The following POLN variants were observed in gnomAD, a reference collection of about 807,000 sequenced individuals.
POLN encodes the protein DNA polymerase nu.
A neutral mutation model predicts 113.5 loss-of-function variants in POLN; 108 were observed. That is an observed-to-expected ratio of 0.95 (90% confidence interval 0.81 to 1.12). The LOEUF is 1.12. Ranked by LOEUF, POLN falls within the 50% of genes most tolerant of loss-of-function variation. The pLI, the probability that POLN is intolerant of heterozygous loss-of-function variation, is 0.00. For synonymous variants in POLN, 386 were observed against 391.5 expected, an observed-to-expected ratio of 0.99 and a Z score of 0.17; for missense variants, 1,097 against 1,077.1, an observed-to-expected ratio of 1.02 and a Z score of -0.26.
rs192728389 is a variant in POLN at position 2,207,265 on chromosome 4, G to T, written c.714+722C>A. Among the ~76,000 whole-genome samples, 10 of 152,172 alleles carry T rather than the reference G, an allele frequency of 6.6e-5. No individual in the cohort carries two copies. In the East Asian group the frequency reaches 1.9e-3, roughly 29 times the overall value. On this transcript the variant is annotated intron_variant, in intron 5 of 25. Coordinates refer to ENST00000511885, the MANE Select transcript of POLN (RefSeq NM_181808.4). ...ACTCAGGAGGAAAGGGTGGGAAGGG[G>T]GTGAGGGATAAAATACTACAAATTG...
chr4:2,199,021 T>G (rs1733648493), intron 5 of POLN, among the ~76,000 whole-genome samples: 1 of 152,138 alleles, frequency 6.6e-6, no homozygotes, highest in Non-Finnish European at 1.5e-5. Flanking sequence ...ATGGCATGAA[T>G]GTCTGTGTAG....
At chr4:2,114,986 T>C (rs1275182300) in intron 19 of POLN, among the ~76,000 whole-genome samples, 1 of 151,774 alleles carries the variant, frequency 6.6e-6, no homozygotes, top group Non-Finnish European at 1.5e-5. Flanking sequence ...TGTCTTCAGG[T>C]TCATGGATTC....
chr4:2,195,024 G>A (rs954582169), intron 6 of POLN, among the ~76,000 whole-genome samples: 5 of 152,028 alleles, frequency 3.3e-5, no homozygotes, highest in South Asian at 2.1e-4. Context: ...TATAACAAAC[G>A]TACAGAGAGA....
rs1395454885 is a variant in POLN at position 2,229,237 on chromosome 4, C to G, written c.-6G>C. The G allele has an allele frequency of 4.4e-6, 7 of 1,591,072 alleles. No individual in the cohort carries two copies. The highest frequency in any genetic ancestry group is 6.0e-6 in the Non-Finnish European group (7 of 1,168,210). On this transcript the variant is annotated 5_prime_UTR_variant, in exon 3 of 26. Coordinates refer to ENST00000511885, the MANE Select transcript of POLN (RefSeq NM_181808.4). ...AATGCCTCATAATTTTCCATTTTCA[C>G]AAAATCCTAAATGTAAGATTAACAT... is the stretch of plus-strand genomic sequence containing the variant.
At position 2,216,631 on chromosome 4, in the gene POLN, C is replaced by G. The variant is rs550388461; in HGVS notation, c.134-3505G>C. Among the ~76,000 whole-genome samples the G allele has an allele frequency of 2.6e-5, 4 of 152,304 alleles. No homozygotes were observed. In the South Asian group the frequency reaches 8.3e-4, roughly 32 times the overall value. ...TGGCTGAGCGCAGGATCCTGTGGATCAAACACTCTGTGAAACTTGGGTGAT... is the reference window on the plus strand; with the variant it reads ...TGGCTGAGCGCAGGATCCTGTGGATGAAACACTCTGTGAAACTTGGGTGAT... On this transcript the variant is annotated intron_variant, in intron 3 of 25. Transcript: ENST00000511885.
chr4:2,137,708 T>TC (rs1321966047), intron 16 of POLN, among the ~76,000 whole-genome samples: 4 of 152,074 alleles, frequency 2.6e-5, no homozygotes, highest in African/African-American at 7.2e-5. Context: ...CTGGCAATCG[T>TC]CCCCCCACTA....
chr4:2,229,278 T>C, intron 2 of POLN, 35 bp from the exon 3 acceptor site: 1 of 1,487,070 alleles, frequency 6.7e-7, no homozygotes, highest in Non-Finnish European at 9.1e-7. Context: ...AAATCCCATA[T>C]ATTAATCCTA....
chr4:2,111,121 C>T (rs1731182441), intron 19 of POLN, among the ~76,000 whole-genome samples: 1 of 152,200 alleles, frequency 6.6e-6, no homozygotes, highest in African/African-American at 2.4e-5. Context: ...AGCATATAAA[C>T]AGAACCAAAG....
rs189565813 is a variant in POLN at position 2,218,505 on chromosome 4, C to A, written c.134-5379G>T. ...AGGGGATATCCTACCTATCCTCAGA[C>A]CACTGAACTTCCAAAAACTTCATGG... is the stretch of plus-strand genomic sequence containing the variant. On this transcript the variant is annotated intron_variant, in intron 3 of 25. Coordinates refer to ENST00000511885, the MANE Select transcript of POLN (RefSeq NM_181808.4). 6.3e-3 allele frequency among the ~76,000 whole-genome samples: 953 copies of A among 152,136 alleles called. 17 individuals are homozygous for A. Among genetic ancestry groups the A allele is most frequent in the Non-Finnish European group, 5.0e-3 (339 of 68,016 alleles).
At chr4:2,147,963 ACTT>A (rs1467706341) in intron 16 of POLN, among the ~76,000 whole-genome samples, 4 of 151,994 alleles carry the variant, frequency 2.6e-5, no homozygotes, top group Non-Finnish European at 5.9e-5. Context: ...TTCAATACAC[ACTT>A]GGTGCCTACT....
rs2108764138 is a variant in POLN at position 2,208,350 on chromosome 4, A to G, written c.351T>C (p.Cys117=). 6.2e-7 allele frequency: 1 copy of G among 1,613,540 alleles called. No individual in the cohort carries two copies. The highest frequency in any genetic ancestry group is 8.5e-7 in the Non-Finnish European group (1 of 1,179,888). ...KSISSLTLSS[C]LIPQYNQEAS... ...CCTCTTGATTATACTGTGGAATTAA[A>G]CAACTTGAAAGAGTCAATGAGCTGA... Residue 117 remains cysteine, a synonymous_variant, in exon 5 of 26, where the codon TGT becomes TGC. Coordinates refer to ENST00000511885, the MANE Select transcript of POLN (RefSeq NM_181808.4).
chr4:2,181,632 T>C (rs1045758223), intron 7 of POLN, among the ~76,000 whole-genome samples: 13 of 150,652 alleles, frequency 8.6e-5, no homozygotes, highest in Non-Finnish European at 1.3e-4. Context: ...ACATATGAAA[T>C]AGGAAATCAA....
chr4:2,163,228 A>C (rs1732645836), intron 13 of POLN, among the ~76,000 whole-genome samples: 1 of 152,244 alleles, frequency 6.6e-6, no homozygotes, highest in Non-Finnish European at 1.5e-5. Flanking sequence ...ATCTTGCCTC[A>C]GTATAATCCA....
Position 2,217,758 on chromosome 4 carries a change from C to A in POLN, c.134-4632G>T, listed in dbSNP as rs978490696. ...ATGGCATCTTTCCCCACTACAGATA[C>A]CTCTAACATCACAAGGTCTGTTGGG... On this transcript the variant is annotated intron_variant, in intron 3 of 25. Transcript: ENST00000511885. 3.1e-4 allele frequency among the ~76,000 whole-genome samples: 47 copies of A among 152,230 alleles called. 1 individual carries two copies. The highest frequency in any genetic ancestry group is 3.2e-3 in the Middle Eastern group (1 of 316).
intron 19 of POLN, among the ~76,000 whole-genome samples, chr4:2,106,032 A>T (rs1256015058): frequency 1.3e-5 from 2 of 152,060 alleles, no homozygotes; most frequent in Non-Finnish European, 2.9e-5. Context: ...AAACTCAGGA[A>T]GAGTTTACTC....
In POLN at chr4:2,192,880, T is replaced by G. The variant is rs577574447; in HGVS notation, c.1021+324A>C. Among the ~76,000 whole-genome samples, 275 of 151,930 alleles carry G rather than the reference T, an allele frequency of 1.8e-3. 1 individual carries two copies. Among genetic ancestry groups the G allele is most frequent in the African/African-American group, 6.4e-3 (265 of 41,524 alleles). On this transcript the variant is annotated intron_variant, in intron 7 of 25. Transcript: ENST00000511885. Reference sequence around the variant, plus strand: ...AGGTAGGTCCTATATTGTTTTGATGTTAATTACTCTGGACTGTAGTTTAAT... The same window carrying G: ...AGGTAGGTCCTATATTGTTTTGATGGTAATTACTCTGGACTGTAGTTTAAT...
intron 19 of POLN, among the ~76,000 whole-genome samples, chr4:2,106,161 T>C (rs1159435136): frequency 2.0e-5 from 3 of 151,246 alleles, no homozygotes; most frequent in Non-Finnish European, 4.4e-5. Context: ...GAAAAAAAAA[T>C]GAATCTAAGA....
intron 19 of POLN, among the ~76,000 whole-genome samples, chr4:2,111,162 T>A (rs527488854): frequency 6.6e-6 from 1 of 152,172 alleles, no homozygotes; most frequent in Non-Finnish European, 1.5e-5. Flanking sequence ...TCAATAGATG[T>A]AGAAAAGGCC....
rs533305660 is a variant in POLN, at chr4:2,111,493, A to G, written c.1983-15560T>C. Among the ~76,000 whole-genome samples, 21 of 152,310 alleles carry G rather than the reference A, an allele frequency of 1.4e-4. No homozygotes were observed. In the South Asian group the frequency reaches 4.4e-3, roughly 32 times the overall value. On this transcript the variant is annotated intron_variant, in intron 19 of 25. Transcript: ENST00000511885. ...CATGATTGTATATCTAGAAAACCCCATCGTCTCAGCCCAAAATCTCCTTCA... is the reference window on the plus strand; with the variant it reads ...CATGATTGTATATCTAGAAAACCCCGTCGTCTCAGCCCAAAATCTCCTTCA...
Sources: allele counts gnomAD v4.1 joint callset (sites outside exome capture counted in the v4.1 genomes callset), GRCh38; gene constraint gnomAD v4.1.1; transcripts MANE v1.5; gene names NCBI Gene and HGNC (gene_info 2026-07-23, HGNC 2026-07-21).